CHST13: variants seen among roughly 807,000 people sequenced by gnomAD.
The protein encoded by CHST13 is C4ST-3.
CHST13 carries 1 observed loss-of-function variant against 7.0 expected under a neutral mutation model. That is an observed-to-expected ratio of 0.14 (90% confidence interval 0.05 to 0.68). The LOEUF (loss-of-function observed/expected upper bound fraction) is 0.68, where lower values mean the gene tolerates loss of function less well. Ranked by LOEUF, CHST13 falls within the 30% of genes least tolerant of loss-of-function variation. CHST13 has a pLI of 0.82. For synonymous variants in CHST13, 257 were observed against 240.9 expected (o/e 1.07, Z -0.62); for missense variants, 572 against 507.9 (o/e 1.13, Z -1.21).
intron 1 of CHST13, chr3:126,529,169 G>T: frequency 1.8e-6 from 1 of 557,682 alleles, no homozygotes; most frequent in South Asian, 1.6e-5. Context: ...GCTGAGGTGG[G>T]TGTGCAGAGG....
At chr3:126,534,065 T>G (rs1440927405) in intron 1 of CHST13, among the ~76,000 whole-genome samples, 1 of 152,206 alleles carries the variant, frequency 6.6e-6, no homozygotes, top group South Asian at 2.1e-4. Context: ...AGTAGTAACA[T>G]CCCCTCTTTC....
At chr3:126,538,305 C>A (rs1409434063) in intron 2 of CHST13, among the ~76,000 whole-genome samples, 1 of 152,246 alleles carries the variant, frequency 6.6e-6, no homozygotes, top group Non-Finnish European at 1.5e-5. Context: ...TATAAGAGGA[C>A]TGCCAGGGCT....
chr3:126,542,238 T>A lies in CHST13; in HGVS notation c.686T>A (p.Leu229Gln). ...RGHDVRFAEF[L>Q]AYLLDPRTRR... is the part of the protein sequence containing the mutation. ...CACGACGTGCGCTTCGCGGAGTTCC[T>A]GGCCTACCTGCTGGACCCGCGCACG... Residue 229 changes from leucine to glutamine, a missense_variant, in exon 3 of 3, where the codon CTG becomes CAG. Leu to Gln is a moderately radical substitution (Grantham distance 113). Coordinates refer to ENST00000319340, the MANE Select transcript of CHST13 (RefSeq NM_152889.3). 6.6e-7 allele frequency: 1 copy of A among 1,525,914 alleles called. No individual in the cohort carries two copies. Among genetic ancestry groups the A allele is most frequent in the Non-Finnish European group, 8.7e-7 (1 of 1,144,082 alleles). 94.5% of individuals were successfully genotyped at this position (1,525,914 alleles called of 1,614,324 possible).
rs1936983889 is a variant in CHST13 at position 126,542,395 on chromosome 3, G to A, written c.843G>A (p.Ala281=). 1 of 1,555,132 alleles carries A rather than the reference G, an allele frequency of 6.4e-7. No individual in the cohort carries two copies. The highest frequency in any genetic ancestry group is 1.4e-5 in the African/African-American group (1 of 71,554). Residue 281 remains alanine (A), a synonymous_variant, in exon 3 of 3, where the codon GCG becomes GCA. Coordinates refer to ENST00000319340, the MANE Select transcript of CHST13 (RefSeq NM_152889.3). ...ACGCGGCCTTCGTGCTGGGCCTGGC[G>A]GGCGCATCCGACCTGAGCTTCCCTG... ...AEDAAFVLGL[A]GASDLSFPGP...
rs1936963759 is a variant in CHST13, at chr3:126,541,840, G to C, written c.288G>C (p.Leu96=). The change falls in exon 3 of 3, where the codon CTG becomes CTC. Residue 96 remains leucine, a synonymous_variant. Transcript: ENST00000319340. ...AGCGCCTGCTACAGCCGGAGGACCTGCGGCACGTGCTGGTGGACGACGCGC... is the reference window on the plus strand; with the variant it reads ...AGCGCCTGCTACAGCCGGAGGACCTCCGGCACGTGCTGGTGGACGACGCGC... ...RRQRLLQPED[L]RHVLVDDAHG... 1.3e-6 allele frequency: 2 copies of C among 1,576,134 alleles called. No individual in the cohort carries two copies. The highest frequency in any genetic ancestry group is 1.8e-5 in the Admixed American group (1 of 55,358).
chr3:126,528,505 G>A (rs1007165075), intron 1 of CHST13, among the ~76,000 whole-genome samples: 7 of 152,188 alleles, frequency 4.6e-5, no homozygotes, highest in Admixed American at 4.6e-4. Context: ...GGAGTGAGAA[G>A]CCCTGTGGGT....
At position 126,542,864 on chromosome 3, in the gene CHST13, G is replaced by C. The variant is rs777053857; in HGVS notation, c.*286G>C. The C allele has an allele frequency of 2.2e-5, 7 of 325,012 alleles. No homozygotes were observed. Among genetic ancestry groups the C allele is most frequent in the Non-Finnish European group, 3.9e-5 (7 of 180,686 alleles). The allele number at this position is 325,012 out of a possible 1,614,324, so 20.1% of individuals were successfully genotyped here. ...AGGCCCCGTAGATGGGCAAGGACTT[G>C]ATAACCAGGGTTTTAGGCTTTTAAA... On this transcript the variant is annotated 3_prime_UTR_variant, in exon 3 of 3. Coordinates refer to ENST00000319340, the MANE Select transcript of CHST13 (RefSeq NM_152889.3).
At chr3:126,531,913 C>T (rs1936667935) in intron 1 of CHST13, among the ~76,000 whole-genome samples, 1 of 152,234 alleles carries the variant, frequency 6.6e-6, no homozygotes, top group South Asian at 2.1e-4. Flanking sequence ...CACCACTTTA[C>T]ATCCCCACCA....
chr3:126,524,460 C>A (rs907526888), intron 1 of CHST13, 31 bp downstream of exon 1: 2 of 833,684 alleles, frequency 2.4e-6, no homozygotes, highest in Non-Finnish European at 3.2e-6. Flanking sequence ...CCGCGCACCC[C>A]CAACCAAACC....
intron 2 of CHST13, 27 bp downstream of exon 2, chr3:126,536,380 C>T (rs1347592506): frequency 1.9e-6 from 3 of 1,569,242 alleles, no homozygotes; most frequent in African/African-American, 2.7e-5. Flanking sequence ...TCGACCCAGG[C>T]ATGCCCCCCT....
intron 1 of CHST13, among the ~76,000 whole-genome samples, chr3:126,528,125 A>C (rs1328278392): frequency 6.6e-6 from 1 of 151,398 alleles, no homozygotes; most frequent in African/African-American, 2.4e-5. Context: ...TGGGGTGTGA[A>C]TGGATGTGCT....
intron 1 of CHST13, among the ~76,000 whole-genome samples, chr3:126,525,562 T>G (rs1936522241): frequency 1.3e-5 from 2 of 152,144 alleles, no homozygotes; most frequent in Non-Finnish European, 2.9e-5. Flanking sequence ...TCTGGTGGTG[T>G]TGAGCAGACA....
In CHST13 at chr3:126,542,045, C is replaced by T; in HGVS notation, c.493C>T (p.Arg165Cys). 6.3e-7 allele frequency: 1 copy of T among 1,575,542 alleles called. No homozygotes were observed. ...FSPAEINRRL[R>C]AYLAFLFVRE... ...CCCCGCCGAGATCAACCGGCGCCTG[C>T]GCGCCTACTTGGCCTTCCTGTTCGT... Residue 165 changes from arginine (R) to cysteine (C), a missense_variant, in exon 3 of 3, where the codon CGC becomes TGC. By Grantham distance (180) the Arg-to-Cys change is radical. Coordinates refer to ENST00000319340, the MANE Select transcript of CHST13 (RefSeq NM_152889.3).
intron 1 of CHST13, among the ~76,000 whole-genome samples, chr3:126,529,577 A>G (rs1260705739): frequency 6.6e-6 from 1 of 152,218 alleles, no homozygotes; most frequent in Non-Finnish European, 1.5e-5. Context: ...TAGTTTCTAC[A>G]TGAGAGGGGT....
chr3:126,533,352 G>C (rs1173687149), intron 1 of CHST13, among the ~76,000 whole-genome samples: 1 of 152,120 alleles, frequency 6.6e-6, no homozygotes, highest in Non-Finnish European at 1.5e-5. Flanking sequence ...TAAGTTATCT[G>C]AGGGTTTTTC....
chr3:126,531,727 G>A (rs1404089740), intron 1 of CHST13, among the ~76,000 whole-genome samples: 1 of 152,182 alleles, frequency 6.6e-6, no homozygotes, highest in Non-Finnish European at 1.5e-5. Flanking sequence ...ATGGATTTGG[G>A]TTGTTTCCAT....
chr3:126,539,207 C>T (rs1936868784), intron 2 of CHST13, among the ~76,000 whole-genome samples: 1 of 152,148 alleles, frequency 6.6e-6, no homozygotes, highest in Non-Finnish European at 1.5e-5. Flanking sequence ...GACTGCGAAG[C>T]CAGTCCCAGC....
intron 1 of CHST13, among the ~76,000 whole-genome samples, chr3:126,528,101 G>A (rs1216607848): frequency 6.6e-6 from 1 of 151,566 alleles, no homozygotes; most frequent in Non-Finnish European, 1.5e-5. Context: ...AAAGCATGGA[G>A]GAGTGAAATG....
intron 1 of CHST13, among the ~76,000 whole-genome samples, chr3:126,531,740 T>G (rs527836664): frequency 1.4e-4 from 21 of 152,356 alleles, no homozygotes; most frequent in Admixed American, 1.2e-3. Flanking sequence ...GTTTCCATTT[T>G]GGGGCTATCA....
Sources: allele counts gnomAD v4.1 joint callset (sites outside exome capture counted in the v4.1 genomes callset), GRCh38; gene constraint gnomAD v4.1.1; transcripts MANE v1.5; gene names NCBI Gene and HGNC (gene_info 2026-07-23, HGNC 2026-07-21).